Variants in LAMA1 observed in about 807,000 individuals in gnomAD.
LAMA1 encodes the protein laminin subunit alpha 1.
Under a neutral mutation model 348.7 loss-of-function variants are expected in LAMA1, and 219 were observed. The observed-to-expected ratio is 0.63, with a 90% confidence interval of 0.56 to 0.70. LAMA1 has a LOEUF of 0.70. LAMA1 is among the 30% of genes least tolerant of loss of function. LAMA1 has a pLI of 0.00. For missense variants in LAMA1, 3,744 were observed against 3,888.0 expected, an observed-to-expected ratio of 0.96 and a Z score of 0.99; for synonymous variants, 1,487 against 1,491.0, an observed-to-expected ratio of 1.00 and a Z score of 0.06.
At chr18:7,060,867 G>C (rs2058099586) in intron 3 of LAMA1, among the ~76,000 whole-genome samples, 1 of 152,158 alleles carries the variant, frequency 6.6e-6, no homozygotes, top group Non-Finnish European at 1.5e-5. Context: ...GTTTTAAAAA[G>C]TGTGCAGGCT....
rs58519890 is a variant in LAMA1, at chr18:7,007,913, T to TTTTATTTATTTA, written c.4122+563_4122+574dup. On this transcript the variant is annotated intron_variant, in intron 28 of 62. Coordinates refer to ENST00000389658, the MANE Select transcript of LAMA1 (RefSeq NM_005559.4). Reference sequence around the variant, plus strand: ...AAAGACAAGTTCTGTATTACTCCACTTTTATTTATTTATTTATTTATTTAT... The same window carrying TTTTATTTATTTA: ...AAAGACAAGTTCTGTATTACTCCACTTTTATTTATTTATTTATTTATTTATTTATTTATTTAT... Among the ~76,000 whole-genome samples the TTTTATTTATTTA allele has an allele frequency of 5.1e-3, 691 of 136,818 alleles. 7 individuals carry two copies. The highest frequency in any genetic ancestry group is 0.014 in the African/African-American group (563 of 40,088). The allele number at this position is 136,818 out of a possible 152,430, so 89.8% of individuals were successfully genotyped here.
At chr18:6,997,908 G>A (rs770044533) in intron 32 of LAMA1, 24 bp from the exon 33 acceptor site, 20 of 1,612,232 alleles carry the variant, frequency 1.2e-5, no homozygotes, top group Non-Finnish European at 1.6e-5. Flanking sequence ...TTTTAAAAAG[G>A]AGAGTTAAAG....
chr18:7,059,482 C>T (rs116801500), intron 3 of LAMA1, among the ~76,000 whole-genome samples: 89 of 152,294 alleles, frequency 5.8e-4, no homozygotes, highest in African/African-American at 1.9e-3. Flanking sequence ...ACACATCAAA[C>T]GCCACTTTCT....
chr18:6,979,861 T>C (rs555208838), intron 42 of LAMA1, among the ~76,000 whole-genome samples: 52 of 152,306 alleles, frequency 3.4e-4, no homozygotes, highest in Middle Eastern at 3.4e-3. Flanking sequence ...ATCGCGCCAC[T>C]GCACTCCAGC....
At position 6,966,275 on chromosome 18, in the gene LAMA1, A is replaced by G; in HGVS notation, c.6922T>C (p.Phe2308Leu). Reference protein sequence around the residue: ...FGSSQNEDPSFHFDGSGYSVV... With the variant: ...FGSSQNEDPSLHFDGSGYSVV... The stretch of plus-strand genomic sequence containing the variant: ...GAGTACCCACTCCCGTCAAAATGGA[A>G]GGAAGGGTCTTCATTCTGGGAGCTG... The change falls in exon 49 of 63, where the codon TTC (phenylalanine) becomes CTC (leucine). Residue 2308 changes from phenylalanine to leucine, a missense_variant. Physicochemically the swap from Phe to Leu is conservative, Grantham distance 22. Transcript: ENST00000389658. 6.2e-7 allele frequency: 1 copy of G among 1,613,922 alleles called. No individual in the cohort carries two copies. Among genetic ancestry groups the G allele is most frequent in the Non-Finnish European group, 8.5e-7 (1 of 1,179,950 alleles).
Position 6,941,962 on chromosome 18 carries a change from C to A in LAMA1, c.*117G>T. On this transcript the variant is annotated 3_prime_UTR_variant, in exon 63 of 63. Transcript: ENST00000389658. ...TGTAACGTAAACACAACATCTCTCC[C>A]CAGAAACACTTAACCTGAGTTGGAA... 2 of 1,321,136 alleles carry A rather than the reference C, an allele frequency of 1.5e-6. No homozygotes were observed. Among genetic ancestry groups the A allele is most frequent in the South Asian group, 2.4e-5 (2 of 84,528 alleles). 81.8% of individuals were successfully genotyped at this position (1,321,136 alleles called of 1,614,324 possible). A position where few individuals can be genotyped will look rare whatever the true frequency, so the allele number is the denominator to read the frequency against.
intron 1 of LAMA1, among the ~76,000 whole-genome samples, chr18:7,107,043 A>G (rs2058314739): frequency 6.6e-6 from 1 of 151,916 alleles, no homozygotes; most frequent in East Asian, 2.0e-4. Flanking sequence ...GAATATGAGC[A>G]AGCAGAACGT....
intron 48 of LAMA1, among the ~76,000 whole-genome samples, chr18:6,970,615 C>T (rs939921342): frequency 6.6e-6 from 1 of 151,908 alleles, no homozygotes; most frequent in African/African-American, 2.4e-5. Context: ...ATCACCAAAC[C>T]TCTGGTCCTA....
In LAMA1 at chr18:7,011,234, G is replaced by A; in HGVS notation, c.3687+66C>T. 3 of 1,541,626 alleles carry A rather than the reference G, an allele frequency of 1.9e-6. No homozygotes were observed. In the South Asian group the frequency reaches 3.5e-5, roughly 18 times the overall value. On this transcript the variant is annotated intron_variant, in intron 25 of 62. Coordinates refer to ENST00000389658, the MANE Select transcript of LAMA1 (RefSeq NM_005559.4). ...ATGACAGGCCGGCCCAGACTATGGT[G>A]ATTTTAAACAATTTCTGTATATCCT...
At position 6,985,672 on chromosome 18, in the gene LAMA1, C is replaced by T. The variant is rs1325460790; in HGVS notation, c.5380-29G>A. ...CAGCAGAAACGGCATTTTAAGGGTG[C>T]TTCATAAAAGCAACCCTGCTTCTGA... On this transcript the variant is annotated intron_variant, in intron 37 of 62. Transcript: ENST00000389658. 4.6e-6 allele frequency: 7 copies of T among 1,524,538 alleles called. No individual in the cohort carries two copies. The Admixed American group carries it at 1.0e-4, about 22-fold the overall frequency. The allele number at this position is 1,524,538 out of a possible 1,614,324, so 94.4% of individuals were successfully genotyped here.
chr18:6,956,662 G>A lies in LAMA1; in HGVS notation c.8068C>T (p.Leu2690Phe), dbSNP rs757699915. The A allele has an allele frequency of 8.7e-6, 14 of 1,614,194 alleles. No individual in the cohort carries two copies. The South Asian group carries it at 1.5e-4, about 18-fold the overall frequency. The change falls in exon 56 of 63, where the codon CTC (leucine) becomes TTC (phenylalanine). Residue 2690 changes from leucine to phenylalanine, a missense_variant. Coordinates refer to ENST00000389658, the MANE Select transcript of LAMA1 (RefSeq NM_005559.4). ...GGAAAAGCCCGGGGCTCTGGCAAGA[G>A]CTTGCTGTCCTCTGCATCGGGAGCC... ...KLAPDAEDSK[L>F]LPEPRAFPEQ...
At position 7,034,508 on chromosome 18, in the gene LAMA1, G is replaced by A. The variant is rs1442336672; in HGVS notation, c.2022C>T (p.Asn674=). 6.2e-7 allele frequency: 1 copy of A among 1,613,962 alleles called. No individual in the cohort carries two copies. The highest frequency in any genetic ancestry group is 1.7e-5 in the Admixed American group (1 of 59,994). The change falls in exon 14 of 63, where the codon AAC becomes AAT. Residue 674 remains asparagine, a synonymous_variant. Transcript: ENST00000389658. ...ANVTHLLIRA[N]YNSAKMALYR... is the part of the protein sequence containing the mutation. Reference sequence around the variant, plus strand: ...AAAGAGCCATTTTTGCAGAATTGTAGTTGGCTCTGATCAAAAGATGTGTCA... The same window carrying A: ...AAAGAGCCATTTTTGCAGAATTGTAATTGGCTCTGATCAAAAGATGTGTCA...
chr18:7,007,400 C>A (rs2057837310), intron 28 of LAMA1, 124 bp from the exon 29 acceptor site: 1 of 887,922 alleles, frequency 1.1e-6, no homozygotes, highest in South Asian at 1.8e-5. Flanking sequence ...AGTTCGACAT[C>A]TCTATCAGAG....
chr18:7,020,182 C>T, intron 19 of LAMA1, among the ~76,000 whole-genome samples: 1 of 152,030 alleles, frequency 6.6e-6, no homozygotes, highest in East Asian at 1.9e-4. Context: ...TGTGAGGTTT[C>T]TCACCACCCT....
intron 53 of LAMA1, among the ~76,000 whole-genome samples, chr18:6,961,085 G>T (rs1050731642): frequency 6.6e-6 from 1 of 152,164 alleles, no homozygotes; most frequent in Non-Finnish European, 1.5e-5. Context: ...TCTTGAAAAG[G>T]AACATAAATA....
chr18:7,093,036 A>G (rs908019938), intron 1 of LAMA1, among the ~76,000 whole-genome samples: 1 of 152,212 alleles, frequency 6.6e-6, no homozygotes, highest in Non-Finnish European at 1.5e-5. Flanking sequence ...TACCGAATTG[A>G]GGAGCAGAGA....
intron 18 of LAMA1, among the ~76,000 whole-genome samples, chr18:7,024,007 TG>T (rs2057931226): frequency 6.6e-6 from 1 of 151,260 alleles, no homozygotes; most frequent in Non-Finnish European, 1.5e-5. Flanking sequence ...CCCGGCCTTT[TG>T]TTTTTTTTTT....
chr18:6,948,587 TGGTGATTCTAATG>T, intron 59 of LAMA1, 31 bp from the exon 60 acceptor site: 1 of 1,613,878 alleles, frequency 6.2e-7, no homozygotes, highest in Non-Finnish European at 8.5e-7. Context: ...GAGTAGACAG[TGGTGATTCTAATG>T]GGAAGGGTTT....
chr18:7,111,488 A>G (rs1188375180), intron 1 of LAMA1, among the ~76,000 whole-genome samples: 1 of 152,202 alleles, frequency 6.6e-6, no homozygotes, highest in African/African-American at 2.4e-5. Flanking sequence ...TTATTATCAA[A>G]TGGTTACTCT....
Sources: allele counts gnomAD v4.1 joint callset (sites outside exome capture counted in the v4.1 genomes callset), GRCh38; gene constraint gnomAD v4.1.1; transcripts MANE v1.5; gene names NCBI Gene and HGNC (gene_info 2026-07-23, HGNC 2026-07-21).